STK32A: variants seen among roughly 807,000 people sequenced by gnomAD.
The protein encoded by STK32A is serine/threonine kinase 32A, also known as serine/threonine-protein kinase 32A.
Under a neutral mutation model 53.2 loss-of-function variants are expected in STK32A, and 41 were observed. The observed-to-expected ratio is 0.77, with a 90% CI of 0.60 to 1.00. The LOEUF is 1.00. STK32A is among the 50% of genes least tolerant of loss of function. STK32A has a pLI of 0.00. For synonymous variants in STK32A, 166 were observed against 162.8 expected (o/e 1.02, Z -0.15); for missense variants, 458 against 485.8 (o/e 0.94, Z 0.54).
intron 2 of STK32A, among the ~76,000 whole-genome samples, chr5:147,256,449 C>A (rs1174213977): frequency 6.6e-6 from 1 of 152,174 alleles, no homozygotes; most frequent in Admixed American, 6.5e-5. Context: ...TCTAACCAGG[C>A]ATTTGCATCT....
intron 2 of STK32A, among the ~76,000 whole-genome samples, chr5:147,262,649 T>G (rs1468903883): frequency 6.6e-6 from 1 of 151,810 alleles, no homozygotes; most frequent in Non-Finnish European, 1.5e-5. Context: ...TAGAACACAT[T>G]CTTCTACATC....
chr5:147,362,474 C>A (rs1024897577), intron 8 of STK32A, among the ~76,000 whole-genome samples: 1 of 152,156 alleles, frequency 6.6e-6, no homozygotes, highest in African/African-American at 2.4e-5. Context: ...ATAAACTAAC[C>A]TAACCCTTAT....
Position 147,278,149 on chromosome 5 carries a change from G to A in STK32A, c.78G>A (p.Leu26=), listed in dbSNP as rs369464915. The A allele has an allele frequency of 4.8e-5, 76 of 1,599,390 alleles. No homozygotes were observed. Among genetic ancestry groups the A allele is most frequent in the Non-Finnish European group, 6.2e-5 (73 of 1,172,418 alleles). Residue 26 remains leucine, a synonymous_variant, in exon 3 of 13, where the codon TTG becomes TTA. Coordinates refer to ENST00000397936, the MANE Select transcript of STK32A (RefSeq NM_001112724.2). ...TCAACTTTGACCACTTTGAAATTTT[G>A]CGAGCCATTGGGAAAGGCAGTTTTG... ...EDVNFDHFEI[L]RAIGKGSFGK...
intron 2 of STK32A, among the ~76,000 whole-genome samples, chr5:147,275,953 T>C (rs552238381): frequency 6.6e-6 from 1 of 152,324 alleles, no homozygotes; most frequent in African/African-American, 2.4e-5. Flanking sequence ...CTTCATGCTT[T>C]CTAGGTACCT....
At chr5:147,395,590 C>T in the STK32A span, 1 of 1,613,710 alleles carries the variant, frequency 6.2e-7, no homozygotes, top group East Asian at 2.2e-5. Context: ...GATGAAGATT[C>T]CTCACAGGTG....
At chr5:147,380,506 T>A (rs957169206) in intron 11 of STK32A, among the ~76,000 whole-genome samples, 1 of 152,188 alleles carries the variant, frequency 6.6e-6, no homozygotes, top group African/African-American at 2.4e-5. Flanking sequence ...ATGATTTTTT[T>A]TAAAGAATAT....
chr5:147,245,423 T>C (rs1459195433), intron 2 of STK32A, among the ~76,000 whole-genome samples: 2 of 152,214 alleles, frequency 1.3e-5, no homozygotes, highest in Non-Finnish European at 2.9e-5. Flanking sequence ...TTTTAAAAAA[T>C]CTACTTTATT....
the STK32A span, among the ~76,000 whole-genome samples, chr5:147,396,892 G>A: frequency 6.7e-5 from 10 of 148,662 alleles, no homozygotes; most frequent in Admixed American, 2.7e-4. Flanking sequence ...TATAGTGTGT[G>A]TATAGAAAGT....
intron 4 of STK32A, among the ~76,000 whole-genome samples, chr5:147,296,415 T>C (rs548410484): frequency 1.3e-5 from 2 of 152,164 alleles, no homozygotes; most frequent in Admixed American, 1.3e-4. Context: ...CCCCTGATTC[T>C]TCCTTTGGGG....
intron 5 of STK32A, among the ~76,000 whole-genome samples, chr5:147,336,665 C>T (rs756772955): frequency 3.9e-5 from 6 of 152,120 alleles, no homozygotes; most frequent in Non-Finnish European, 7.3e-5. Flanking sequence ...GAGGATGATA[C>T]CTAGTCTTTA....
chr5:147,356,263 G>A (rs922760813), intron 7 of STK32A, among the ~76,000 whole-genome samples: 4 of 152,280 alleles, frequency 2.6e-5, no homozygotes, highest in South Asian at 4.1e-4. Flanking sequence ...GTCTGACATT[G>A]CTAAGCTCTT....
At position 147,361,521 on chromosome 5, in the gene STK32A, T is replaced by C. The variant is rs1211588652; in HGVS notation, c.567T>C (p.Pro189=). ...TTAATTTTTCGTGTTTTTCAGCACC[T>C]GAGATGTTCAGCTCCAGAAAAGGAG... ...TMAGTKPYMA[P]EMFSSRKGAG... Residue 189 remains proline (P), a synonymous_variant, in exon 8 of 13, where the codon CCT becomes CCC. Coordinates refer to ENST00000397936, the MANE Select transcript of STK32A (RefSeq NM_001112724.2). 11 of 1,611,304 alleles carry C rather than the reference T, an allele frequency of 6.8e-6. No individual in the cohort carries two copies. Among genetic ancestry groups the C allele is most frequent in the Admixed American group, 5.0e-5 (3 of 59,704 alleles).
At chr5:147,332,348 C>CTT (rs34110422) in intron 5 of STK32A, among the ~76,000 whole-genome samples, 98 of 140,820 alleles carry the variant, frequency 7.0e-4, no homozygotes, top group African/African-American at 2.5e-3. Context: ...TATCTGTAGG[C>CTT]TTTTTTTTTT....
At position 147,239,853 on chromosome 5, in the gene STK32A, T is replaced by C. The variant is rs1430757139; in HGVS notation, c.52+167T>C. On this transcript the variant is annotated intron_variant, in intron 2 of 12. Transcript: ENST00000397936. ...ACTTTGTAGGCTCATAGCTAGGTTT[T>C]ACCTTCCACTTTCCATGGGACCTTT... The C allele has an allele frequency of 1.0e-5, 6 of 586,944 alleles. No homozygotes were observed. The East Asian group carries it at 1.2e-4, about 12-fold the overall frequency. The allele number at this position is 586,944 out of a possible 1,614,324, so 36.4% of individuals were successfully genotyped here.
intron 3 of STK32A, 133 bp downstream of exon 3, chr5:147,278,312 G>C: frequency 1.3e-6 from 1 of 772,540 alleles, no homozygotes; most frequent in Non-Finnish European, 2.1e-6. Context: ...TTTTTGTAAT[G>C]GATTTTTATA....
chr5:147,361,480 A>T, intron 7 of STK32A, 37 bp from the exon 8 acceptor site: 1 of 1,346,314 alleles, frequency 7.4e-7, no homozygotes, highest in Non-Finnish European at 1.1e-6. Flanking sequence ...CTAATGTCTC[A>T]GGGAATCAAA....
At chr5:147,347,072 G>A (rs1755726250) in intron 6 of STK32A, among the ~76,000 whole-genome samples, 1 of 152,156 alleles carries the variant, frequency 6.6e-6, no homozygotes, top group Non-Finnish European at 1.5e-5. Context: ...TACATTTTCA[G>A]CAAGGATCTC....
chr5:147,301,871 G>A (rs751300415), intron 4 of STK32A, among the ~76,000 whole-genome samples: 10 of 152,152 alleles, frequency 6.6e-5, no homozygotes, highest in Non-Finnish European at 1.5e-4. Context: ...AGCTTCTTGA[G>A]GCTGCCTGTA....
chr5:147,398,856 C>CT, the STK32A span, among the ~76,000 whole-genome samples: 1 of 152,340 alleles, frequency 6.6e-6, no homozygotes, highest in East Asian at 1.9e-4. Context: ...GAGGAAGCCT[C>CT]TATTGGCCTC....
Sources: gnomAD v4.1 joint callset for allele counts (sites outside exome capture counted in the v4.1 genomes callset) on GRCh38, gnomAD v4.1.1 for gene constraint, MANE v1.5 for transcripts, NCBI Gene and HGNC (gene_info 2026-07-23, HGNC 2026-07-21) for gene names.